The following KCNH1 variants were observed in gnomAD, a reference collection of about 807,000 sequenced individuals.
KCNH1 encodes voltage-gated delayed rectifier potassium channel KCNH1.
A neutral mutation model predicts 69.2 loss-of-function variants in KCNH1; 27 were observed. That is an observed-to-expected ratio of 0.39 (90% CI 0.29 to 0.54). KCNH1 has a LOEUF of 0.54. Ranked by LOEUF, KCNH1 falls within the 20% of genes least tolerant of loss-of-function variation. The pLI, the probability that KCNH1 is intolerant of heterozygous loss-of-function variation, is 0.68. For synonymous variants in KCNH1, 456 were observed against 487.7 expected (o/e 0.93, Z 0.86); for missense variants, 798 against 1,261.6 (o/e 0.63, Z 5.57).
chr1:211,006,309 C>T (rs1395101233), intron 6 of KCNH1, among the ~76,000 whole-genome samples: 1 of 152,112 alleles, frequency 6.6e-6, no homozygotes, highest in East Asian at 1.9e-4. Context: ...AAATGAACAT[C>T]AACAGTAGAT....
chr1:210,678,791 T>A lies in KCNH1; in HGVS notation c.*4490A>T, dbSNP rs1344981740. 6.6e-6 allele frequency: 1 copy of A among 152,172 alleles called. No individual in the cohort carries two copies. Among genetic ancestry groups the A allele is most frequent in the African/African-American group, 2.4e-5 (1 of 41,420 alleles). The allele number at this position is 152,172 out of a possible 1,614,324, so 9.4% of individuals were successfully genotyped here. Reference sequence around the variant, plus strand: ...TCCTTCAACATAAGATCAGTTTATATCCTGATACAAGATCTGTGAACTTCT... The same window carrying A: ...TCCTTCAACATAAGATCAGTTTATAACCTGATACAAGATCTGTGAACTTCT... On this transcript the variant is annotated 3_prime_UTR_variant, in exon 11 of 11. Transcript: ENST00000271751.
intron 7 of KCNH1, among the ~76,000 whole-genome samples, chr1:210,915,294 C>T (rs1039849603): frequency 6.6e-6 from 1 of 152,160 alleles, no homozygotes; most frequent in Non-Finnish European, 1.5e-5. Context: ...CTTAAGAGCA[C>T]CAACTACGGT....
intron 7 of KCNH1, among the ~76,000 whole-genome samples, chr1:210,911,763 T>C (rs1687236913): frequency 6.6e-6 from 1 of 152,146 alleles, no homozygotes; most frequent in African/African-American, 2.4e-5. Flanking sequence ...TGTAAATTCC[T>C]CTGCCCAGTG....
At chr1:210,986,864 T>C (rs1390099028) in intron 6 of KCNH1, among the ~76,000 whole-genome samples, 3 of 152,252 alleles carry the variant, frequency 2.0e-5, no homozygotes, top group East Asian at 3.8e-4. Context: ...TCCTGGATAA[T>C]ATCCTGCAGA....
intron 7 of KCNH1, among the ~76,000 whole-genome samples, chr1:210,848,537 A>C (rs1483662811): frequency 1.3e-5 from 2 of 152,194 alleles, no homozygotes; most frequent in Admixed American, 6.5e-5. Flanking sequence ...CTTCTATGAT[A>C]AGCCCTATAA....
chr1:211,090,800 G>C (rs112147851), intron 3 of KCNH1, 110 bp from the exon 4 acceptor site: 3 of 1,018,846 alleles, frequency 2.9e-6, no homozygotes, highest in African/African-American at 1.7e-5. Context: ...TTTTTTAAAT[G>C]GTCTTATTAA....
intron 6 of KCNH1, among the ~76,000 whole-genome samples, chr1:210,924,818 C>T (rs1687534902): frequency 6.6e-6 from 1 of 151,798 alleles, no homozygotes; most frequent in African/African-American, 2.4e-5. Context: ...CCCCAACCCC[C>T]AGAAAATCCA....
chr1:211,107,595 C>T (rs1691379503), intron 1 of KCNH1, among the ~76,000 whole-genome samples: 1 of 152,036 alleles, frequency 6.6e-6, no homozygotes, highest in African/African-American at 2.4e-5. Flanking sequence ...CACTGTACTC[C>T]AAAAAGAAGT....
chr1:211,005,485 A>G (rs1057481900), intron 6 of KCNH1, among the ~76,000 whole-genome samples: 2 of 152,186 alleles, frequency 1.3e-5, no homozygotes, highest in East Asian at 1.9e-4. Context: ...TAAGTGAAAG[A>G]CTGGACTGAA....
chr1:210,740,372 A>G (rs990663454), intron 10 of KCNH1, among the ~76,000 whole-genome samples: 9 of 152,160 alleles, frequency 5.9e-5, no homozygotes, highest in African/African-American at 2.2e-4. Flanking sequence ...TTACCTTCTA[A>G]CAATGGTGAC....
chr1:210,901,517 CA>C (rs1686995202), intron 7 of KCNH1, among the ~76,000 whole-genome samples: 2 of 152,158 alleles, frequency 1.3e-5, no homozygotes, highest in African/African-American at 2.4e-5. Context: ...GGAGGCTCTG[CA>C]CTGTTCCCAT....
rs956924054 is a variant in KCNH1 at position 210,683,250 on chromosome 1, C to G, written c.*31G>C. 18 of 1,596,848 alleles carry G rather than the reference C, an allele frequency of 1.1e-5. No individual in the cohort carries two copies. The Admixed American group carries it at 2.0e-4, about 18-fold the overall frequency. ...GTGGTGACGGCAGGGTTGGAGGTAT[C>G]TGTCTCTGACTTTTTTTTTAAATAG... is the stretch of plus-strand genomic sequence containing the variant. On this transcript the variant is annotated 3_prime_UTR_variant, in exon 11 of 11. Transcript: ENST00000271751. The surrounding 1 kb of genome is among the most constrained non-coding windows in gnomAD (Gnocchi z 5.7).
In KCNH1 at chr1:211,036,483, C is replaced by T. The variant is rs1430127871; in HGVS notation, c.559-17227G>A. On this transcript the variant is annotated intron_variant, in intron 5 of 10. Coordinates refer to ENST00000271751, the MANE Select transcript of KCNH1 (RefSeq NM_172362.3). ...AAGTTTCACCATGAGCCTGTGATCT[C>T]CACCCTCAGCACAAAAAGCTTTCTC... 2.2e-4 allele frequency among the ~76,000 whole-genome samples: 34 copies of T among 152,134 alleles called. 1 individual carries two copies. The highest frequency in any genetic ancestry group is 2.2e-3 in the Admixed American group (34 of 15,276).
At chr1:210,960,774 C>T (rs2102356090) in intron 6 of KCNH1, among the ~76,000 whole-genome samples, 2 of 152,204 alleles carry the variant, frequency 1.3e-5, no homozygotes, top group South Asian at 4.2e-4. Flanking sequence ...AAATAAAAGT[C>T]AAGTAGCAGG....
At chr1:210,925,913 G>A (rs1687562645) in intron 6 of KCNH1, among the ~76,000 whole-genome samples, 1 of 152,164 alleles carries the variant, frequency 6.6e-6, no homozygotes, top group Non-Finnish European at 1.5e-5. Context: ...AAGGACCACA[G>A]CTGATGCACT....
At chr1:210,998,263 A>G (rs939047548) in intron 6 of KCNH1, among the ~76,000 whole-genome samples, 4 of 152,236 alleles carry the variant, frequency 2.6e-5, no homozygotes, top group Non-Finnish European at 5.9e-5. Context: ...TATTCAGGAA[A>G]CACATCTCAC....
chr1:211,115,249 A>G (rs994306902), intron 1 of KCNH1, among the ~76,000 whole-genome samples: 7 of 152,208 alleles, frequency 4.6e-5, no homozygotes, highest in Non-Finnish European at 1.0e-4. Flanking sequence ...TTGGCCTCCC[A>G]AAGTGCTGGG....
In KCNH1 at chr1:210,678,717, A is replaced by G. The variant is rs1246666141; in HGVS notation, c.*4564T>C. 3 of 152,254 alleles carry G rather than the reference A, an allele frequency of 2.0e-5. No individual in the cohort carries two copies. Among genetic ancestry groups the G allele is most frequent in the Non-Finnish European group, 2.9e-5 (2 of 68,058 alleles). 9.4% of individuals were successfully genotyped at this position (152,254 alleles called of 1,614,324 possible). On this transcript the variant is annotated 3_prime_UTR_variant, in exon 11 of 11. Transcript: ENST00000271751. ...GTGGACAGTCTCCAACTGATGCACA[A>G]ATACAGCATCGGAATATTAAGAGAA...
At chr1:210,855,204 C>T (rs1410135578) in intron 7 of KCNH1, among the ~76,000 whole-genome samples, 1 of 152,166 alleles carries the variant, frequency 6.6e-6, no homozygotes, top group Non-Finnish European at 1.5e-5. Flanking sequence ...CACTCATTGA[C>T]AGCCAGAAGA....
Sources: allele counts gnomAD v4.1 joint callset (sites outside exome capture counted in the v4.1 genomes callset), GRCh38; gene constraint gnomAD v4.1.1; non-coding constraint Gnocchi (gnomAD v3.1); transcripts MANE v1.5; gene names NCBI Gene and HGNC (gene_info 2026-07-23, HGNC 2026-07-21).